The following CFAP65 variants were observed in gnomAD, a reference collection of about 807,000 sequenced individuals.
CFAP65 encodes the protein cilia and flagella associated protein 65.
Under a neutral mutation model 208.0 loss-of-function variants are expected in CFAP65, and 155 were observed. That is an observed-to-expected ratio of 0.75 (90% CI 0.65 to 0.85). The LOEUF is 0.85. Ranked by LOEUF, CFAP65 falls within the 40% of genes least tolerant of loss-of-function variation. The pLI, the probability that CFAP65 is intolerant of heterozygous loss-of-function variation, is 0.00. For synonymous variants in CFAP65, 970 were observed against 986.3 expected, an observed-to-expected ratio of 0.98 and a Z score of 0.31; for missense variants, 2,294 against 2,451.3, an observed-to-expected ratio of 0.94 and a Z score of 1.36.
intron 21 of CFAP65, 145 bp downstream of exon 21, chr2:219,018,906 G>T: frequency 9.0e-7 from 1 of 1,107,452 alleles, no homozygotes; most frequent in Non-Finnish European, 1.3e-6. Context: ...TTCCACCCTG[G>T]CCTCCACAGC....
intron 8 of CFAP65, 64 bp from the exon 9 acceptor site, chr2:219,030,898 G>A (rs1947974647): frequency 6.4e-7 from 1 of 1,558,974 alleles, no homozygotes; most frequent in Non-Finnish European, 8.7e-7. Flanking sequence ...CAGCTGAACA[G>A]CCCCTCGAAG....
rs1476273772 is a variant in CFAP65 at position 219,030,043 on chromosome 2, T to C, written c.1327A>G (p.Ile443Val). ...TTGGAGGCACAGCCAGAAGGCATGATGGAGCAGTAGTCCACAGTTCTGGTG... is the reference window on the plus strand; with the variant it reads ...TTGGAGGCACAGCCAGAAGGCATGACGGAGCAGTAGTCCACAGTTCTGGTG... ...LDTRTVDYCS[I>V]MPSGCASKTL... Residue 443 changes from isoleucine to valine, a missense_variant, in exon 10 of 35, where the codon ATC becomes GTC. Ile to Val is a conservative substitution (Grantham distance 29). Around this residue, in one of 2 missense-constraint regions of CFAP65, gnomAD observed 867 missense variants for 1,012.6 expected, o/e 0.86. Coordinates refer to ENST00000341552, the MANE Select transcript of CFAP65 (RefSeq NM_194302.4). 6.2e-7 allele frequency: 1 copy of C among 1,614,046 alleles called. No homozygotes were observed. Among genetic ancestry groups the C allele is most frequent in the Non-Finnish European group, 8.5e-7 (1 of 1,179,990 alleles).
At position 219,006,105 on chromosome 2, in the gene CFAP65, C is replaced by T. The variant is rs1269305242; in HGVS notation, c.4838G>A (p.Cys1613Tyr). The change falls in exon 31 of 35, where the codon TGC (cysteine) becomes TAC (tyrosine). Residue 1613 changes from cysteine (C) to tyrosine (Y), a missense_variant. Cys to Tyr is a radical substitution (Grantham distance 194). This residue lies in a region of CFAP65 where 1,427 missense variants were observed against 1,438.7 expected (regional missense o/e 0.99). Coordinates refer to ENST00000341552, the MANE Select transcript of CFAP65 (RefSeq NM_194302.4). Reference sequence around the variant, plus strand: ...ATGGGCTCGGGCAGTAAGGCCCAGGCAGAGCATGCCTGGCGAGGGTGGCTG... The same window carrying T: ...ATGGGCTCGGGCAGTAAGGCCCAGGTAGAGCATGCCTGGCGAGGGTGGCTG... ...CPQPPSPGML[C>Y]LGLTARAHAT... The T allele has an allele frequency of 2.5e-6, 4 of 1,613,614 alleles. No individual in the cohort carries two copies. The highest frequency in any genetic ancestry group is 3.4e-6 in the Non-Finnish European group (4 of 1,179,986).
chr2:219,006,120 G>C lies in CFAP65; in HGVS notation c.4823C>G (p.Ser1608Trp). Residue 1608 changes from serine to tryptophan, a missense_variant, in exon 31 of 35, where the codon TCG (serine) becomes TGG (tryptophan). Transcript: ENST00000341552. ...EVSWPCPQPP[S>W]PGMLCLGLTA... ...AAGGCCCAGGCAGAGCATGCCTGGC[G>C]AGGGTGGCTGGGGGCAGGGCCAGGA... 1 of 1,613,628 alleles carries C rather than the reference G, an allele frequency of 6.2e-7. No homozygotes were observed. Among genetic ancestry groups the C allele is most frequent in the Non-Finnish European group, 8.5e-7 (1 of 1,179,960 alleles).
chr2:219,021,306 C>A, intron 18 of CFAP65, 26 bp from the exon 19 acceptor site: 1 of 1,544,548 alleles, frequency 6.5e-7, no homozygotes, highest in South Asian at 1.3e-5. Flanking sequence ...GCCGGAGGGT[C>A]AGTGGGTAGA....
intron 28 of CFAP65, 51 bp downstream of exon 28, chr2:219,009,296 G>C (rs758622552): frequency 1.3e-6 from 2 of 1,489,322 alleles, no homozygotes; most frequent in Non-Finnish European, 1.9e-6. Flanking sequence ...CCCCACCCCA[G>C]CATTGGGAGC....
In CFAP65 at chr2:219,013,238, A is replaced by G. The variant is rs1394900823; in HGVS notation, c.3957+21T>C. ...CAACACTTAGGCCTTCTTGGTCAAC[A>G]GGACAATGTGGACCACTGACCTGCC... On this transcript the variant is annotated intron_variant, in intron 24 of 34. Transcript: ENST00000341552. 1.9e-6 allele frequency: 3 copies of G among 1,541,012 alleles called. No individual in the cohort carries two copies. The African/African-American group carries it at 4.1e-5, about 21-fold the overall frequency.
chr2:219,017,151 C>T (rs1204062971), intron 21 of CFAP65, among the ~76,000 whole-genome samples: 1 of 152,218 alleles, frequency 6.6e-6, no homozygotes, highest in Non-Finnish European at 1.5e-5. Context: ...GAAGACCAGC[C>T]CAGAGCCAGC....
chr2:219,006,276 C>T (rs1331795235), intron 30 of CFAP65, 53 bp from the exon 31 acceptor site: 3 of 1,554,770 alleles, frequency 1.9e-6, no homozygotes, highest in Non-Finnish European at 2.6e-6. Flanking sequence ...ACATTCACAT[C>T]ACCAATGGGG....
At position 219,027,965 on chromosome 2, in the gene CFAP65, G is replaced by C. The variant is rs532323836; in HGVS notation, c.1896C>G (p.Pro632=). 7.9e-6 allele frequency: 12 copies of C among 1,518,370 alleles called. No homozygotes were observed. The highest frequency in any genetic ancestry group is 1.1e-5 in the Non-Finnish European group (12 of 1,133,690). 94.1% of individuals were successfully genotyped at this position (1,518,370 alleles called of 1,614,324 possible). The change falls in exon 13 of 35, where the codon CCC becomes CCG. Residue 632 remains proline, a synonymous_variant. Transcript: ENST00000341552. ...TGCCGTCGAAGAAGAACTCGGTCAT[G>C]GGGGGGATATAAGGGTACTGCGGGG... ...MPAPQYPYIP[P]MTEFFFDGTS... is the part of the protein sequence containing the mutation.
rs115158574 is a variant in CFAP65 at position 219,013,597 on chromosome 2, C to T, written c.3780-12G>A. On this transcript the variant is annotated splice_polypyrimidine_tract_variant and intron_variant, in intron 22 of 34. Coordinates refer to ENST00000341552, the MANE Select transcript of CFAP65 (RefSeq NM_194302.4). Reference sequence around the variant, plus strand: ...CGATGAACAGGTGGCTAGAAAGAAACAGATAAGTCTGGGAGTGAGTTCTGG... The same window carrying T: ...CGATGAACAGGTGGCTAGAAAGAAATAGATAAGTCTGGGAGTGAGTTCTGG... 3,988 of 1,592,776 alleles carry T rather than the reference C, an allele frequency of 2.5e-3. 103 individuals carry two copies. The African/African-American group carries it at 0.046, about 18-fold the overall frequency.
rs1038824085 is a variant in CFAP65, at chr2:219,004,903, C to T, written c.5052-448G>A. On this transcript the variant is annotated intron_variant, in intron 32 of 34. Coordinates refer to ENST00000341552, the MANE Select transcript of CFAP65 (RefSeq NM_194302.4). The surrounding 1 kb of genome is among the most constrained non-coding windows in gnomAD (Gnocchi z 4.7). ...TTTTCTTTTCTCTCTCTCTCTATTT[C>T]TCTCTTTCTTTCTCTCTCTTTCTCT... Among the ~76,000 whole-genome samples, 1 of 150,248 alleles carries T rather than the reference C, an allele frequency of 6.7e-6. No homozygotes were observed. The highest frequency in any genetic ancestry group is 2.5e-5 in the African/African-American group (1 of 40,282).
At chr2:219,038,269 A>G in intron 4 of CFAP65, 106 bp downstream of exon 4, 1 of 1,009,190 alleles carries the variant, frequency 9.9e-7, no homozygotes, top group Non-Finnish European at 1.5e-6. Context: ...TCAGATGCAG[A>G]GGGAAGAGTC....
In CFAP65 at chr2:219,038,884, T is replaced by G; in HGVS notation, c.153+12A>C. The G allele has an allele frequency of 3.1e-6, 5 of 1,598,970 alleles. No homozygotes were observed. The highest frequency in any genetic ancestry group is 4.3e-6 in the Non-Finnish European group (5 of 1,171,866). On this transcript the variant is annotated intron_variant, in intron 3 of 34. Transcript: ENST00000341552. ...CAAGCTCCAGTGGGTGTTACTGAAG[T>G]GTGTGCATTACCTTTATCTGGCTTT...
intron 21 of CFAP65, among the ~76,000 whole-genome samples, chr2:219,017,483 T>C (rs1241125812): frequency 6.6e-6 from 1 of 152,168 alleles, no homozygotes; most frequent in African/African-American, 2.4e-5. Flanking sequence ...AGAGACGGAC[T>C]AGAATTTTCA....
intron 25 of CFAP65, 49 bp from the exon 26 acceptor site, chr2:219,010,753 C>T: frequency 1.9e-6 from 3 of 1,585,268 alleles, no homozygotes; most frequent in Non-Finnish European, 2.6e-6. Context: ...GGGAGGCCTG[C>T]TGAGGAAGCC....
At chr2:219,013,744 G>A in intron 22 of CFAP65, 124 bp downstream of exon 22, 1 of 1,145,710 alleles carries the variant, frequency 8.7e-7, no homozygotes, top group Non-Finnish European at 1.3e-6. Context: ...GACCTCCTCT[G>A]CAGGTGAGAA....
At chr2:219,014,125 G>C in intron 21 of CFAP65, 81 bp from the exon 22 acceptor site, 1 of 1,291,426 alleles carries the variant, frequency 7.7e-7, no homozygotes, top group Non-Finnish European at 1.1e-6. Flanking sequence ...CTGATGGGCA[G>C]GTGGAGGCTT....
rs1227501640 is a variant in CFAP65, at chr2:219,031,116, C to A, written c.1005G>T (p.Leu335=). ...AGSRQRSSIQ[L]QAVAKCAQLL... ...GAGGTTGGGCCTCACCCACAGCCTG[C>A]AGCTGGATGCTGCTCCTCTGCCGGC... The change falls in exon 8 of 35, where the codon CTG becomes CTT. Residue 335 remains leucine, a synonymous_variant. Transcript: ENST00000341552. This position sits in a 1 kb window ranked among gnomAD's most constrained non-coding sequence, Gnocchi z 5.2. 1.3e-6 allele frequency: 2 copies of A among 1,590,004 alleles called. No homozygotes were observed. Among genetic ancestry groups the A allele is most frequent in the Non-Finnish European group, 1.7e-6 (2 of 1,168,030 alleles).
Sources: allele counts gnomAD v4.1 joint callset (sites outside exome capture counted in the v4.1 genomes callset), GRCh38; gene constraint gnomAD v4.1.1; regional missense constraint gnomAD v4.1.1; non-coding constraint Gnocchi (gnomAD v3.1); transcripts MANE v1.5; gene names NCBI Gene and HGNC (gene_info 2026-07-23, HGNC 2026-07-21).